MBOAT2: variants seen among roughly 807,000 people sequenced by gnomAD.
MBOAT2 encodes membrane-bound glycerophospholipid O-acyltransferase 2.
A neutral mutation model predicts 63.4 loss-of-function variants in MBOAT2; 28 were observed. The observed-to-expected ratio is 0.44, with a 90% confidence interval of 0.33 to 0.61. MBOAT2 has a LOEUF of 0.61. Ranked by LOEUF, MBOAT2 falls within the 20% of genes least tolerant of loss-of-function variation. MBOAT2 has a pLI of 0.03. For missense variants in MBOAT2, 470 were observed against 605.8 expected (o/e 0.78, Z 2.35); for synonymous variants, 211 against 215.6 (o/e 0.98, Z 0.19).
At chr2:8,992,872 G>A (rs550634717) in intron 1 of MBOAT2, among the ~76,000 whole-genome samples, 8 of 152,312 alleles carry the variant, frequency 5.3e-5, no homozygotes, top group Admixed American at 4.6e-4. Flanking sequence ...ACAGGGACAC[G>A]GGTTTACCTG....
intron 5 of MBOAT2, among the ~76,000 whole-genome samples, chr2:8,887,125 A>G (rs1438385194): frequency 1.3e-5 from 2 of 152,098 alleles, no homozygotes; most frequent in Non-Finnish European, 2.9e-5. Context: ...CACTCCAACC[A>G]CATCCTCATG....
chr2:8,937,618 C>T (rs557800018), intron 3 of MBOAT2, among the ~76,000 whole-genome samples: 1 of 152,130 alleles, frequency 6.6e-6, no homozygotes, highest in Admixed American at 6.5e-5. Context: ...ATCTGAGAGT[C>T]AGGAGGAGAG....
At chr2:8,990,768 A>C (rs991422236) in intron 1 of MBOAT2, among the ~76,000 whole-genome samples, 13 of 152,344 alleles carry the variant, frequency 8.5e-5, no homozygotes, top group Admixed American at 3.3e-4. Context: ...GCTGAGGCTC[A>C]ATGTTTGATG....
intron 12 of MBOAT2, among the ~76,000 whole-genome samples, chr2:8,859,987 C>T (rs1041204298): frequency 6.6e-6 from 1 of 152,012 alleles, no homozygotes; most frequent in African/African-American, 2.4e-5. Flanking sequence ...GCCTCAAGAC[C>T]AGCCTGGCCA....
chr2:8,912,785 T>C (rs1217885712), intron 3 of MBOAT2, among the ~76,000 whole-genome samples: 1 of 152,120 alleles, frequency 6.6e-6, no homozygotes, highest in East Asian at 1.9e-4. Flanking sequence ...ATTTACAAAT[T>C]CAATGCAATC....
intron 6 of MBOAT2, among the ~76,000 whole-genome samples, chr2:8,879,488 A>C (rs1350944530): frequency 6.6e-6 from 1 of 152,240 alleles, no homozygotes; most frequent in Non-Finnish European, 1.5e-5. Context: ...ATTGTAATGT[A>C]TAATATCAAA....
intron 4 of MBOAT2, among the ~76,000 whole-genome samples, chr2:8,895,442 A>G (rs1664378751): frequency 6.6e-6 from 1 of 152,146 alleles, no homozygotes; most frequent in South Asian, 2.1e-4. Flanking sequence ...TGCATTTACA[A>G]TCCTTGAGCT....
chr2:8,905,364 A>G (rs770335170), intron 4 of MBOAT2, among the ~76,000 whole-genome samples: 1 of 152,138 alleles, frequency 6.6e-6, no homozygotes, highest in Non-Finnish European at 1.5e-5. Context: ...AAAAAAAACA[A>G]GAGCCTTCAA....
chr2:8,889,061 A>G lies in MBOAT2; in HGVS notation c.396-988T>C, dbSNP rs554601192. On this transcript the variant is annotated intron_variant, in intron 4 of 12. Transcript: ENST00000305997. ...GCTCTATACACATGCAGAGGAGAAC[A>G]TGTTTCACGGAATCCTGAGGACAGT... 5.3e-5 allele frequency among the ~76,000 whole-genome samples: 8 copies of G among 152,308 alleles called. No individual in the cohort carries two copies. The South Asian group carries it at 1.7e-3, about 32-fold the overall frequency.
At chr2:8,909,593 T>C (rs1410708746) in intron 3 of MBOAT2, among the ~76,000 whole-genome samples, 2 of 152,180 alleles carry the variant, frequency 1.3e-5, no homozygotes, top group Admixed American at 1.3e-4. Flanking sequence ...AAAAAAAAAT[T>C]TGACCAAATA....
At chr2:8,914,580 T>C (rs534313245) in intron 3 of MBOAT2, among the ~76,000 whole-genome samples, 2 of 152,278 alleles carry the variant, frequency 1.3e-5, no homozygotes, top group South Asian at 4.1e-4. Flanking sequence ...TTATTATTTG[T>C]CAATTGTGCA....
At chr2:8,983,173 T>C (rs1671318803) in intron 1 of MBOAT2, among the ~76,000 whole-genome samples, 1 of 152,058 alleles carries the variant, frequency 6.6e-6, no homozygotes, top group South Asian at 2.1e-4. Context: ...AATTATATGA[T>C]ACAGATATGA....
At chr2:8,931,501 G>A (rs568342471) in intron 3 of MBOAT2, among the ~76,000 whole-genome samples, 1 of 152,168 alleles carries the variant, frequency 6.6e-6, no homozygotes, top group East Asian at 1.9e-4. Context: ...TTTGTCAGAT[G>A]GTTAGATTGC....
chr2:8,937,875 C>T (rs1158848001), intron 3 of MBOAT2, among the ~76,000 whole-genome samples: 1 of 152,142 alleles, frequency 6.6e-6, no homozygotes. Context: ...AGGACATGCT[C>T]CTGCTCTCCT....
intron 7 of MBOAT2, 33 bp from the exon 8 acceptor site, chr2:8,873,333 T>G: frequency 1.9e-6 from 3 of 1,597,104 alleles, no homozygotes; most frequent in Non-Finnish European, 2.6e-6. Context: ...TCATCAACTT[T>G]ATCCATGCTC....
chr2:8,904,302 TG>T (rs1458380967), intron 4 of MBOAT2, among the ~76,000 whole-genome samples: 1 of 148,082 alleles, frequency 6.8e-6, no homozygotes, highest in African/African-American at 2.6e-5. Context: ...TACTGAAGGT[TG>T]TTTTTATTTT....
intron 1 of MBOAT2, among the ~76,000 whole-genome samples, chr2:8,973,002 A>G (rs1259053013): frequency 1.3e-5 from 2 of 152,240 alleles, no homozygotes; most frequent in African/African-American, 2.4e-5. Flanking sequence ...CATTTGACCC[A>G]GCCATCCCAT....
intron 4 of MBOAT2, among the ~76,000 whole-genome samples, chr2:8,904,471 C>T (rs1250083941): frequency 1.3e-5 from 2 of 151,932 alleles, no homozygotes; most frequent in African/African-American, 4.8e-5. Flanking sequence ...AGCACCATGC[C>T]AGCTAATTTT....
rs1344011788 is a variant in MBOAT2, at chr2:8,857,918, CTCTTT to C, written c.*756_*760del. On this transcript the variant is annotated 3_prime_UTR_variant, in exon 13 of 13. Coordinates refer to ENST00000305997, the MANE Select transcript of MBOAT2 (RefSeq NM_138799.4). ...ATTCCTGCCTTCCTTCGTCACCTCTCTCTTTTAAGAAAAAGAATAAGCTTAAAATA... is the reference window on the plus strand; with the variant it reads ...ATTCCTGCCTTCCTTCGTCACCTCTCTAAGAAAAAGAATAAGCTTAAAATA... 13 of 152,502 alleles carry C rather than the reference CTCTTT, an allele frequency of 8.5e-5. No individual in the cohort carries two copies. Among genetic ancestry groups the C allele is most frequent in the South Asian group, 2.1e-4 (1 of 4,838 alleles). The allele number at this position is 152,502 out of a possible 1,614,324, so 9.4% of individuals were successfully genotyped here. A position where few individuals can be genotyped will look rare whatever the true frequency, so the allele number is the denominator to read the frequency against.
Sources: allele counts gnomAD v4.1 joint callset (sites outside exome capture counted in the v4.1 genomes callset), GRCh38; gene constraint gnomAD v4.1.1; transcripts MANE v1.5; gene names NCBI Gene and HGNC (gene_info 2026-07-23, HGNC 2026-07-21).